Variants in ISX observed in about 807,000 individuals in gnomAD.
The protein encoded by ISX is intestine-specific homeobox.
In ISX, 15 loss-of-function variants were observed where a neutral mutation model predicts 16.9. The observed-to-expected ratio is 0.89, with a 90% CI of 0.59 to 1.36. The LOEUF (loss-of-function observed/expected upper bound fraction) is 1.36. ISX is among the 40% of genes most tolerant of loss of function. The probability of loss-of-function intolerance (pLI) is 0.00; values close to 1 mark genes in which losing one functional copy is unlikely to be tolerated. For missense variants in ISX, 316 were observed against 306.1 expected, an observed-to-expected ratio of 1.03 and a Z score of -0.24; for synonymous variants, 125 against 119.7, an observed-to-expected ratio of 1.04 and a Z score of -0.29.
At chr22:35,083,762 C>T (rs1242025625) in intron 3 of ISX, among the ~76,000 whole-genome samples, 1 of 152,204 alleles carries the variant, frequency 6.6e-6, no homozygotes, top group African/African-American at 2.4e-5. Context: ...TAGAATCAGG[C>T]ACTAGCTAAA....
At chr22:35,081,647 G>A (rs1929125529) in intron 2 of ISX, among the ~76,000 whole-genome samples, 1 of 152,146 alleles carries the variant, frequency 6.6e-6, no homozygotes, top group Admixed American at 6.5e-5. Flanking sequence ...GGAGGGTTGA[G>A]GTCAAGCACT....
At chr22:35,067,360 G>T in intron 2 of ISX, 44 bp downstream of exon 2, 1 of 1,383,916 alleles carries the variant, frequency 7.2e-7, no homozygotes, top group South Asian at 1.3e-5. Context: ...TGGTCTCCAA[G>T]ACCCAGCTGG....
Position 35,072,013 on chromosome 22 carries a change from C to T in ISX, c.229+4697C>T, listed in dbSNP as rs148394296. On this transcript the variant is annotated intron_variant, in intron 2 of 4. Transcript: ENST00000404699. ...CACCTGGTGATTAACAGCTCTGGCT[C>T]TTACCCAGGTAGACCCAGGAGCTCC... Among the ~76,000 whole-genome samples, 493 of 152,326 alleles carry T rather than the reference C, an allele frequency of 3.2e-3. 2 individuals carry two copies. The highest frequency in any genetic ancestry group is 5.1e-3 in the Non-Finnish European group (348 of 68,030).
chr22:35,081,186 T>C (rs1005873789), intron 2 of ISX, among the ~76,000 whole-genome samples: 2 of 152,208 alleles, frequency 1.3e-5, no homozygotes, highest in Non-Finnish European at 2.9e-5. Context: ...GATGTTAGAA[T>C]TGCAGACAAG....
chr22:35,084,192 C>T (rs578135571), intron 3 of ISX, among the ~76,000 whole-genome samples, 191 bp from the exon 4 acceptor site: 2 of 152,384 alleles, frequency 1.3e-5, no homozygotes, highest in East Asian at 3.9e-4. Context: ...GCCCTGTAGG[C>T]ATTGAAGGTG....
At chr22:35,080,133 G>A (rs751962899) in intron 2 of ISX, among the ~76,000 whole-genome samples, 1 of 152,132 alleles carries the variant, frequency 6.6e-6, no homozygotes, top group Non-Finnish European at 1.5e-5. Flanking sequence ...TCCCCTTCTC[G>A]GTCTCTTTGT....
chr22:35,072,658 A>G lies in ISX; in HGVS notation c.229+5342A>G, dbSNP rs568710619. 3.1e-4 allele frequency among the ~76,000 whole-genome samples: 47 copies of G among 152,216 alleles called. 1 individual carries two copies. The highest frequency in any genetic ancestry group is 6.3e-4 in the Non-Finnish European group (43 of 68,044). On this transcript the variant is annotated intron_variant, in intron 2 of 4. Coordinates refer to ENST00000404699, the MANE Select transcript of ISX (RefSeq NM_001303508.2). ...ATGGGCAGAGGAGGAGGCTTAAAAC[A>G]TTGGCTATAATTTAAGTTTGATTTA...
chr22:35,083,821 A>C (rs1929180858), intron 3 of ISX, among the ~76,000 whole-genome samples: 1 of 152,226 alleles, frequency 6.6e-6, no homozygotes, highest in African/African-American at 2.4e-5. Flanking sequence ...ACACCTGCCT[A>C]TGCAGAATTA....
intron 3 of ISX, among the ~76,000 whole-genome samples, chr22:35,083,223 A>AT (rs1929165808): frequency 6.6e-6 from 1 of 152,222 alleles, no homozygotes; most frequent in South Asian, 2.1e-4. Flanking sequence ...CCATTTAAAA[A>AT]TGTGAAAACG....
At chr22:35,074,089 T>A (rs1178836397) in intron 2 of ISX, among the ~76,000 whole-genome samples, 1 of 152,226 alleles carries the variant, frequency 6.6e-6, no homozygotes, top group East Asian at 1.9e-4. Flanking sequence ...TGTCATCAAG[T>A]CTCTGCAGCT....
intron 2 of ISX, 71 bp from the exon 3 acceptor site, chr22:35,082,447 G>C: frequency 6.7e-7 from 1 of 1,499,828 alleles, no homozygotes; most frequent in African/African-American, 1.4e-5. Context: ...GGTAGGACAA[G>C]GCAACACAAA....
intron 2 of ISX, among the ~76,000 whole-genome samples, chr22:35,073,283 TG>T (rs1427884623): frequency 3.9e-5 from 6 of 152,178 alleles, no homozygotes; most frequent in Admixed American, 3.9e-4. Flanking sequence ...AGTTGGGTGC[TG>T]GAGATGGTGT....
intron 2 of ISX, among the ~76,000 whole-genome samples, chr22:35,074,579 C>T (rs995447260): frequency 1.3e-5 from 2 of 152,192 alleles, no homozygotes; most frequent in Admixed American, 1.3e-4. Context: ...TTGCAAAGCC[C>T]TGTGGCTTTG....
chr22:35,082,718 T>C (rs752401013), intron 3 of ISX, 49 bp downstream of exon 3: 21 of 1,598,466 alleles, frequency 1.3e-5, no homozygotes, highest in Non-Finnish European at 1.7e-5. Context: ...CTTGGGACCA[T>C]GTGTGAGACA....
chr22:35,075,257 T>C (rs989050348), intron 2 of ISX, among the ~76,000 whole-genome samples: 1 of 152,030 alleles, frequency 6.6e-6, no homozygotes, highest in East Asian at 1.9e-4. Flanking sequence ...AAAGGAATAA[T>C]CCTTTGAGAA....
chr22:35,085,756 G>A lies in ISX; in HGVS notation c.*63G>A, dbSNP rs1929240270. 2 of 1,605,116 alleles carry A rather than the reference G, an allele frequency of 1.2e-6. No individual in the cohort carries two copies. Among genetic ancestry groups the A allele is most frequent in the South Asian group, 2.2e-5 (2 of 90,392 alleles). On this transcript the variant is annotated 3_prime_UTR_variant, in exon 5 of 5. Transcript: ENST00000404699. Reference sequence around the variant, plus strand: ...CTCCAGGTGAAGGCAGGTAGCAGATGTGCCCTGGGCCTCTGGGGAAATCGA... The same window carrying A: ...CTCCAGGTGAAGGCAGGTAGCAGATATGCCCTGGGCCTCTGGGGAAATCGA...
At chr22:35,076,839 G>A (rs1928994275) in intron 2 of ISX, among the ~76,000 whole-genome samples, 1 of 152,210 alleles carries the variant, frequency 6.6e-6, no homozygotes, top group Admixed American at 6.5e-5. Context: ...TCTCTTTGAA[G>A]ACCTATTAAA....
At chr22:35,081,558 G>A (rs569121764) in intron 2 of ISX, among the ~76,000 whole-genome samples, 17 of 152,294 alleles carry the variant, frequency 1.1e-4, no homozygotes, top group African/African-American at 4.1e-4. Flanking sequence ...GATGGTCTTG[G>A]TCAACTGTTT....
chr22:35,066,677 G>A (rs1013374068), intron 1 of ISX, 75 bp from the exon 2 acceptor site: 2 of 178,152 alleles, frequency 1.1e-5, no homozygotes, highest in African/African-American at 4.7e-5. Context: ...ACCTCCTCTG[G>A]AGACTGACCT....
Sources: gnomAD v4.1 joint callset for allele counts (sites outside exome capture counted in the v4.1 genomes callset) on GRCh38, gnomAD v4.1.1 for gene constraint, MANE v1.5 for transcripts, NCBI Gene and HGNC (gene_info 2026-07-23, HGNC 2026-07-21) for gene names.